The following TANGO6 variants were observed in gnomAD, a reference collection of about 807,000 sequenced individuals.
TANGO6 encodes transport and golgi organization 6 homolog.
A neutral mutation model predicts 114.2 loss-of-function variants in TANGO6; 90 were observed. The ratio of observed to expected loss-of-function variants is 0.79; its 90% CI spans 0.66 to 0.94. The LOEUF is 0.94. TANGO6 is among the 40% of genes least tolerant of loss of function. The probability of loss-of-function intolerance (pLI) is 0.00; values close to 1 mark genes in which losing one functional copy is unlikely to be tolerated. For missense variants in TANGO6, 1,274 were observed against 1,315.3 expected (o/e 0.97, Z 0.49); for synonymous variants, 477 against 509.8 (o/e 0.94, Z 0.87).
At position 68,859,934 on chromosome 16, in the gene TANGO6, A is replaced by G. The variant is rs781642410; in HGVS notation, c.145A>G (p.Thr49Ala). 2 of 1,606,694 alleles carry G rather than the reference A, an allele frequency of 1.2e-6. No individual in the cohort carries two copies. Among genetic ancestry groups the G allele is most frequent in the Non-Finnish European group, 1.7e-6 (2 of 1,175,540 alleles). Residue 49 changes from threonine (T) to alanine (A), a missense_variant, in exon 2 of 18, where the codon ACT becomes GCT. Thr to Ala is a moderately conservative substitution (Grantham distance 58). Transcript: ENST00000261778. ...CACAAAACATGATGTCTTGTTGGCT[A>G]CTTTAAAATCTAACCTGTCTGCTTT... ...QVTKHDVLLA[T>A]LKSNLSALED...
At chr16:68,900,587 C>A (rs762077875) in intron 8 of TANGO6, 41 bp downstream of exon 8, 17 of 1,448,320 alleles carry the variant, frequency 1.2e-5, no homozygotes, top group Non-Finnish European at 1.6e-5. Flanking sequence ...TAAATTGTGA[C>A]GTCTTTTTTG....
chr16:68,881,263 C>T (rs998313285), intron 7 of TANGO6, among the ~76,000 whole-genome samples: 5 of 152,164 alleles, frequency 3.3e-5, no homozygotes, highest in African/African-American at 1.2e-4. Context: ...CCTGTCATCC[C>T]AGCACTTTGA....
intron 17 of TANGO6, among the ~76,000 whole-genome samples, chr16:69,058,635 G>A (rs1960070427): frequency 6.6e-6 from 1 of 152,190 alleles, no homozygotes; most frequent in African/African-American, 2.4e-5. Context: ...ACAAACCTGG[G>A]TTCCTGAGAC....
intron 15 of TANGO6, among the ~76,000 whole-genome samples, chr16:69,004,218 A>G (rs1175943528): frequency 6.6e-6 from 1 of 152,224 alleles, no homozygotes; most frequent in Non-Finnish European, 1.5e-5. Flanking sequence ...TAATAAATGT[A>G]AATACACGTA....
At chr16:68,993,448 C>A (rs1215624497) in intron 15 of TANGO6, among the ~76,000 whole-genome samples, 3 of 152,186 alleles carry the variant, frequency 2.0e-5, no homozygotes, top group Non-Finnish European at 4.4e-5. Context: ...TTTTTGCATT[C>A]ATTTTGACTT....
chr16:68,845,135 TTTTTGTC>T (rs1961783797), intron 1 of TANGO6, among the ~76,000 whole-genome samples: 1 of 152,080 alleles, frequency 6.6e-6, no homozygotes, highest in Non-Finnish European at 1.5e-5. Context: ...GCCCAGCTAA[TTTTTGTC>T]TTTTTAGTAG....
rs771889838 is a variant in TANGO6 at position 68,860,458 on chromosome 16, C to T, written c.669C>T (p.Ile223=). 41 of 1,613,826 alleles carry T rather than the reference C, an allele frequency of 2.5e-5. No individual in the cohort carries two copies. Among genetic ancestry groups the T allele is most frequent in the African/African-American group, 9.3e-5 (7 of 74,898 alleles). Residue 223 remains isoleucine (I), a synonymous_variant, in exon 2 of 18, where the codon ATC becomes ATT. Transcript: ENST00000261778. ...SLIFCHHFGD[I]AAGLCQLGFC... ...TCTTCTGCCACCACTTTGGGGATAT[C>T]GCAGCAGGTCTGTGCCAACTGGGAT...
At chr16:68,917,744 C>T (rs923544523) in intron 11 of TANGO6, among the ~76,000 whole-genome samples, 1 of 151,998 alleles carries the variant, frequency 6.6e-6, no homozygotes, top group African/African-American at 2.4e-5. Flanking sequence ...GACTTTTGCT[C>T]ATTTTTAATT....
intron 11 of TANGO6, among the ~76,000 whole-genome samples, chr16:68,912,808 G>A (rs1168276765): frequency 6.6e-6 from 1 of 151,356 alleles, no homozygotes; most frequent in Non-Finnish European, 1.5e-5. Context: ...AGGTGTGGTG[G>A]CTCACGCCTG....
intron 14 of TANGO6, among the ~76,000 whole-genome samples, chr16:68,956,640 G>T (rs946848163): frequency 6.6e-6 from 1 of 152,128 alleles, no homozygotes; most frequent in African/African-American, 2.4e-5. Flanking sequence ...ATCACCTGAG[G>T]TCAGGAGTTT....
At chr16:68,981,461 T>G (rs1160707965) in intron 15 of TANGO6, among the ~76,000 whole-genome samples, 2 of 152,092 alleles carry the variant, frequency 1.3e-5, no homozygotes, top group African/African-American at 4.8e-5. Flanking sequence ...TCCACCTGCC[T>G]CGGCCTCCAA....
intron 1 of TANGO6, among the ~76,000 whole-genome samples, chr16:68,856,775 C>A (rs1962001162): frequency 6.6e-6 from 1 of 152,164 alleles, no homozygotes; most frequent in Non-Finnish European, 1.5e-5. Context: ...ATATATCCAT[C>A]ATTATAGTCT....
chr16:68,864,746 A>G (rs79397528), intron 3 of TANGO6, among the ~76,000 whole-genome samples: 1 of 151,918 alleles, frequency 6.6e-6, no homozygotes, highest in Admixed American at 6.6e-5. Context: ...CTGGCATTCA[A>G]CCCCCGTGTG....
chr16:68,967,350 G>A (rs777694824), intron 14 of TANGO6, among the ~76,000 whole-genome samples: 2 of 152,124 alleles, frequency 1.3e-5, no homozygotes, highest in African/African-American at 4.8e-5. Flanking sequence ...GGGAGTATCC[G>A]TTGCCTCCAA....
chr16:68,886,497 C>T (rs947897139), intron 7 of TANGO6, among the ~76,000 whole-genome samples: 2 of 151,664 alleles, frequency 1.3e-5, no homozygotes, highest in African/African-American at 4.8e-5. Flanking sequence ...TCACCGATCT[C>T]ATCTCAGTCT....
At chr16:68,925,924 A>AT (rs201960287) in intron 12 of TANGO6, among the ~76,000 whole-genome samples, 11 of 147,160 alleles carry the variant, frequency 7.5e-5, no homozygotes, top group East Asian at 2.0e-4. Context: ...AAGAAACTGT[A>AT]TTTTTTTTTC....
chr16:68,973,806 A>G (rs987628780), intron 14 of TANGO6: 7 of 561,082 alleles, frequency 1.2e-5, no homozygotes, highest in African/African-American at 3.8e-5. Flanking sequence ...GACCTTAGAG[A>G]TCGTATCAGG....
intron 17 of TANGO6, among the ~76,000 whole-genome samples, chr16:69,065,117 G>C (rs1424366813): frequency 1.3e-5 from 2 of 152,188 alleles, no homozygotes; most frequent in Admixed American, 1.3e-4. Flanking sequence ...CAGGGCTTGT[G>C]GGGGTGTAGG....
At chr16:68,850,383 C>T (rs1051586727) in intron 1 of TANGO6, among the ~76,000 whole-genome samples, 1 of 151,702 alleles carries the variant, frequency 6.6e-6, no homozygotes, top group African/African-American at 2.4e-5. Flanking sequence ...GTATACATAC[C>T]CATACATATA....
Sources: allele counts gnomAD v4.1 joint callset (sites outside exome capture counted in the v4.1 genomes callset), GRCh38; gene constraint gnomAD v4.1.1; transcripts MANE v1.5; gene names NCBI Gene and HGNC (gene_info 2026-07-23, HGNC 2026-07-21).